The following MTHFD2L variants were observed in gnomAD, a reference collection of about 807,000 sequenced individuals.
MTHFD2L encodes the protein methylenetetrahydrofolate dehydrogenase (NADP+ dependent) 2 like.
MTHFD2L carries 29 observed loss-of-function variants against 34.9 expected under a neutral mutation model. The observed-to-expected ratio is 0.83, with a 90% confidence interval of 0.62 to 1.13. The LOEUF (loss-of-function observed/expected upper bound fraction) is 1.13. Ranked by LOEUF, MTHFD2L falls within the 50% of genes most tolerant of loss-of-function variation. The pLI, the probability that MTHFD2L is intolerant of heterozygous loss-of-function variation, is 0.00. For missense variants in MTHFD2L, 481 were observed against 446.5 expected (o/e 1.08, Z -0.70); for synonymous variants, 167 against 155.7 (o/e 1.07, Z -0.54).
At chr4:74,246,848 TG>T (rs1742536090) in intron 6 of MTHFD2L, among the ~76,000 whole-genome samples, 1 of 152,238 alleles carries the variant, frequency 6.6e-6, no homozygotes, top group Non-Finnish European at 1.5e-5. Flanking sequence ...ATCTCTGTTT[TG>T]GTACCAGTAA....
intron 6 of MTHFD2L, among the ~76,000 whole-genome samples, chr4:74,262,004 A>G (rs888242508): frequency 6.6e-6 from 1 of 151,906 alleles, no homozygotes; most frequent in African/African-American, 2.4e-5. Context: ...CTCAAATCAT[A>G]TTATAAAGAA....
At chr4:74,272,374 G>A (rs1002253411) in intron 6 of MTHFD2L, among the ~76,000 whole-genome samples, 2 of 152,050 alleles carry the variant, frequency 1.3e-5, no homozygotes, top group African/African-American at 4.8e-5. Context: ...GGCTAATATG[G>A]TCATACCTAT....
chr4:74,239,902 C>T (rs1741449414), intron 6 of MTHFD2L, among the ~76,000 whole-genome samples: 1 of 152,098 alleles, frequency 6.6e-6, no homozygotes, highest in African/African-American at 2.4e-5. Flanking sequence ...CTGTAAAATA[C>T]ACAGACACAT....
At chr4:74,164,188 C>A (rs574578776) in intron 1 of MTHFD2L, among the ~76,000 whole-genome samples, 25 of 152,242 alleles carry the variant, frequency 1.6e-4, no homozygotes, top group African/African-American at 5.5e-4. Flanking sequence ...GTTTTTTCAA[C>A]ATTATAGAGA....
chr4:74,119,950 C>G (rs1051940778), upstream of MTHFD2L, among the ~76,000 whole-genome samples: 1 of 151,956 alleles, frequency 6.6e-6, no homozygotes, highest in African/African-American at 2.4e-5. Flanking sequence ...AACCAAGCAC[C>G]CTGTGTTAAA....
chr4:74,274,336 G>C (rs1746351513), intron 6 of MTHFD2L, among the ~76,000 whole-genome samples: 1 of 152,144 alleles, frequency 6.6e-6, no homozygotes, highest in South Asian at 2.1e-4. Context: ...TCCTTAAAAA[G>C]GGCTTCTTAT....
chr4:74,279,769 A>G (rs971838127), intron 6 of MTHFD2L, among the ~76,000 whole-genome samples: 1 of 152,140 alleles, frequency 6.6e-6, no homozygotes. Context: ...GGAGCAATGC[A>G]TAGTACCTAT....
Position 74,278,991 on chromosome 4 carries a change from T to G in MTHFD2L, c.806-2434T>G, listed in dbSNP as rs913158369. On this transcript the variant is annotated intron_variant, in intron 6 of 7. Coordinates refer to ENST00000325278, the MANE Select transcript of MTHFD2L (RefSeq NM_001144978.3). The stretch of plus-strand genomic sequence containing the variant: ...AGCTACCTATGACTCTACCAATAGA[T>G]GCTTTCATCTAACCTACATTTTTCC... 2.0e-5 allele frequency among the ~76,000 whole-genome samples: 3 copies of G among 152,238 alleles called. No homozygotes were observed. In the South Asian group the frequency reaches 6.2e-4, roughly 32 times the overall value.
chr4:74,230,980 C>T (rs921327950), intron 6 of MTHFD2L, among the ~76,000 whole-genome samples: 4 of 152,070 alleles, frequency 2.6e-5, no homozygotes, highest in African/African-American at 9.7e-5. Context: ...GTCAATGCCA[C>T]TTGCATGTCA....
intron 2 of MTHFD2L, among the ~76,000 whole-genome samples, chr4:74,115,420 T>C (rs1178118276): frequency 2.0e-5 from 3 of 152,240 alleles, no homozygotes; most frequent in African/African-American, 7.2e-5. Flanking sequence ...TTGTTACAAG[T>C]ATGACAGCCT....
intron 3 of MTHFD2L, among the ~76,000 whole-genome samples, chr4:74,196,513 G>C (rs968374379): frequency 2.6e-5 from 4 of 152,174 alleles, no homozygotes; most frequent in African/African-American, 9.7e-5. Context: ...CAACAGATGT[G>C]GGGGAAGTGG....
upstream of MTHFD2L, among the ~76,000 whole-genome samples, chr4:74,155,532 G>A (rs555768289): frequency 1.5e-4 from 23 of 152,072 alleles, no homozygotes; most frequent in Non-Finnish European, 2.4e-4. Context: ...AAATTGTGTA[G>A]TGAGAATTGT....
chr4:74,193,352 C>T (rs1348642446), intron 3 of MTHFD2L, among the ~76,000 whole-genome samples: 1 of 152,134 alleles, frequency 6.6e-6, no homozygotes, highest in Non-Finnish European at 1.5e-5. Context: ...GTCTAGATTA[C>T]TGTAGCTTTG....
At chr4:74,189,532 G>A (rs1324031110) in intron 3 of MTHFD2L, among the ~76,000 whole-genome samples, 1 of 138,098 alleles carries the variant, frequency 7.2e-6, no homozygotes, top group Non-Finnish European at 1.5e-5. Context: ...GTTTACACTG[G>A]AAGGTGAGTA....
chr4:74,248,030 G>T, intron 6 of MTHFD2L, among the ~76,000 whole-genome samples: 1 of 152,024 alleles, frequency 6.6e-6, no homozygotes, highest in Non-Finnish European at 1.5e-5. Context: ...TTTTTCTATT[G>T]AATGGAATAG....
At chr4:74,224,593 A>G (rs537734266) in intron 5 of MTHFD2L, among the ~76,000 whole-genome samples, 2 of 152,154 alleles carry the variant, frequency 1.3e-5, no homozygotes, top group Admixed American at 6.6e-5. Flanking sequence ...CTCTCCTTTC[A>G]TGGCTCACAC....
chr4:74,181,319 A>G (rs1730122804), intron 3 of MTHFD2L, among the ~76,000 whole-genome samples: 1 of 152,172 alleles, frequency 6.6e-6, no homozygotes, highest in Non-Finnish European at 1.5e-5. Flanking sequence ...CAGGAATGGT[A>G]AATATGTACT....
chr4:74,283,884 G>GTT (rs1747808666), intron 7 of MTHFD2L, among the ~76,000 whole-genome samples: 3 of 152,096 alleles, frequency 2.0e-5, no homozygotes, highest in Admixed American at 1.3e-4. Flanking sequence ...TGTTCATCAG[G>GTT]ACTTAACCTG....
intron 1 of MTHFD2L, among the ~76,000 whole-genome samples, chr4:74,139,513 C>A (rs548627905): frequency 6.6e-6 from 1 of 152,170 alleles, no homozygotes; most frequent in East Asian, 1.9e-4. Flanking sequence ...GCCAGAGAGC[C>A]CAAGATGGTG....
Sources: gnomAD v4.1 joint callset for allele counts (sites outside exome capture counted in the v4.1 genomes callset) on GRCh38, gnomAD v4.1.1 for gene constraint, MANE v1.5 for transcripts, NCBI Gene and HGNC (gene_info 2026-07-23, HGNC 2026-07-21) for gene names.